NPAS3: variants seen among roughly 807,000 people sequenced by gnomAD.
NPAS3 encodes neuronal PAS domain protein 3, also known as neuronal PAS domain-containing protein 3.
NPAS3 carries 14 observed loss-of-function variants against 73.1 expected under a neutral mutation model. The ratio of observed to expected loss-of-function variants is 0.19; its 90% CI spans 0.13 to 0.30. NPAS3 has a LOEUF of 0.30. NPAS3 is among the 10% of genes least tolerant of loss of function. NPAS3 has a pLI of 1.00. For synonymous variants in NPAS3, 620 were observed against 541.5 expected (o/e 1.14, Z -2.01); for missense variants, 1,096 against 1,250.0 (o/e 0.88, Z 1.86).
intron 4 of NPAS3, among the ~76,000 whole-genome samples, chr14:33,487,454 G>A (rs192618726): frequency 3.8e-4 from 58 of 152,188 alleles, no homozygotes; most frequent in Non-Finnish European, 7.5e-4. Flanking sequence ...TTAAACTATC[G>A]AGGACTTGAT....
At chr14:33,311,185 G>A (rs540052485) in intron 3 of NPAS3, among the ~76,000 whole-genome samples, 18 of 152,076 alleles carry the variant, frequency 1.2e-4, no homozygotes, top group South Asian at 6.2e-4. Flanking sequence ...GATGTTTGTC[G>A]TCCTGTCTCA....
intron 2 of NPAS3, among the ~76,000 whole-genome samples, chr14:33,182,308 A>G (rs1485423037): frequency 6.6e-6 from 1 of 152,220 alleles, no homozygotes; most frequent in Non-Finnish European, 1.5e-5. Flanking sequence ...TATGAAATAC[A>G]TAAGTAGTTT....
At chr14:33,788,361 T>A (rs1223975914) in intron 9 of NPAS3, among the ~76,000 whole-genome samples, 1 of 152,230 alleles carries the variant, frequency 6.6e-6, no homozygotes, top group Non-Finnish European at 1.5e-5. Context: ...TTCGGCTGTG[T>A]GAATGTGAAG....
chr14:33,208,004 A>T (rs956264211), intron 2 of NPAS3, among the ~76,000 whole-genome samples: 1 of 152,122 alleles, frequency 6.6e-6, no homozygotes, highest in African/African-American at 2.4e-5. Context: ...TGAAGTGATT[A>T]GCTGATTTGG....
At position 33,719,273 on chromosome 14, in the gene NPAS3, G is replaced by T. The variant is rs951375863; in HGVS notation, c.734-15941G>T. On this transcript the variant is annotated intron_variant, in intron 6 of 11. Transcript: ENST00000356141. ...CTGTTGTTATTCCAGGATGGGATTT[G>T]CTGCTCTGGGACCCAGCAGATTATC... Among the ~76,000 whole-genome samples, 4 of 152,144 alleles carry T rather than the reference G, an allele frequency of 2.6e-5. 1 individual carries two copies. The highest frequency in any genetic ancestry group is 2.0e-4 in the Admixed American group (3 of 15,272).
intron 6 of NPAS3, chr14:33,680,754 A>G: frequency 3.0e-6 from 2 of 660,334 alleles, no homozygotes; most frequent in Non-Finnish European, 2.7e-6. Context: ...GGGAAAATCA[A>G]TACTGTACCA....
intron 3 of NPAS3, among the ~76,000 whole-genome samples, chr14:33,279,737 T>C (rs1238238284): frequency 6.6e-6 from 1 of 152,040 alleles, no homozygotes; most frequent in African/African-American, 2.4e-5. Context: ...GAAGGAACAG[T>C]TCAGAAAAAT....
chr14:33,289,263 G>A (rs2041999567), intron 3 of NPAS3, among the ~76,000 whole-genome samples: 1 of 152,072 alleles, frequency 6.6e-6, no homozygotes, highest in South Asian at 2.1e-4. Context: ...TTGAATACAG[G>A]CATTCTGATT....
At chr14:33,149,631 T>C (rs749153302) in intron 2 of NPAS3, among the ~76,000 whole-genome samples, 9 of 152,248 alleles carry the variant, frequency 5.9e-5, no homozygotes, top group Non-Finnish European at 1.2e-4. Flanking sequence ...CCTTTAGTAG[T>C]GTCCTAACAT....
intron 1 of NPAS3, among the ~76,000 whole-genome samples, chr14:32,971,936 C>CTTTTT (rs66998179): frequency 2.7e-4 from 30 of 112,930 alleles, no homozygotes; most frequent in East Asian, 1.3e-3. Context: ...CAGTGGGACT[C>CTTTTT]TTTTTTTTTT....
intron 5 of NPAS3, among the ~76,000 whole-genome samples, chr14:33,603,135 T>G (rs1485679861): frequency 6.6e-6 from 1 of 152,218 alleles, no homozygotes; most frequent in Non-Finnish European, 1.5e-5. Flanking sequence ...ACATTCCACA[T>G]GTTCAAAAAG....
intron 7 of NPAS3, among the ~76,000 whole-genome samples, chr14:33,748,196 G>GA (rs1176224302): frequency 1.3e-5 from 2 of 152,118 alleles, no homozygotes; most frequent in Non-Finnish European, 2.9e-5. Flanking sequence ...CATCTTCCTT[G>GA]AGTCAGTGTT....
chr14:33,670,736 G>A (rs983960420), intron 5 of NPAS3, among the ~76,000 whole-genome samples: 4 of 151,810 alleles, frequency 2.6e-5, no homozygotes, highest in Admixed American at 6.6e-5. Context: ...TAGATCTGAA[G>A]GCCTCACCTG....
intron 5 of NPAS3, among the ~76,000 whole-genome samples, chr14:33,591,782 G>T (rs1457558268): frequency 6.6e-6 from 1 of 152,140 alleles, no homozygotes; most frequent in South Asian, 2.1e-4. Context: ...TTTTCTTCTT[G>T]AGGGAAACGT....
At chr14:32,985,358 T>C (rs1436038974) in intron 1 of NPAS3, among the ~76,000 whole-genome samples, 1 of 152,164 alleles carries the variant, frequency 6.6e-6, no homozygotes, top group African/African-American at 2.4e-5. Context: ...CAGAAATCTA[T>C]AGTACACAAA....
intron 5 of NPAS3, chr14:33,583,486 G>T (rs1406691187): frequency 1.3e-5 from 2 of 152,068 alleles, no homozygotes; most frequent in East Asian, 3.9e-4. Context: ...TTCAGTAAAC[G>T]ATATATGTAA....
At chr14:33,116,558 T>C (rs1379290604) in intron 2 of NPAS3, among the ~76,000 whole-genome samples, 1 of 152,202 alleles carries the variant, frequency 6.6e-6, no homozygotes, top group African/African-American at 2.4e-5. Flanking sequence ...CAATGCTAGA[T>C]GCTTTAACAA....
At chr14:33,769,191 A>C (rs1230957512) in intron 7 of NPAS3, among the ~76,000 whole-genome samples, 1 of 152,166 alleles carries the variant, frequency 6.6e-6, no homozygotes, top group Non-Finnish European at 1.5e-5. Flanking sequence ...AATTCTATTG[A>C]ATTTCTTGGT....
At chr14:33,063,558 C>T (rs144415961) in intron 2 of NPAS3, among the ~76,000 whole-genome samples, 2 of 152,256 alleles carry the variant, frequency 1.3e-5, no homozygotes, top group Non-Finnish European at 2.9e-5. Context: ...TCTACCCCAT[C>T]CCCCTCCATT....
Sources: gnomAD v4.1 joint callset for allele counts (sites outside exome capture counted in the v4.1 genomes callset) on GRCh38, gnomAD v4.1.1 for gene constraint, MANE v1.5 for transcripts, NCBI Gene and HGNC (gene_info 2026-07-23, HGNC 2026-07-21) for gene names.